Variants in TSC2 observed in about 807,000 individuals in gnomAD.
TSC2 encodes the protein tuberin.
In TSC2, 29 loss-of-function variants were observed where a neutral mutation model predicts 202.2. The observed-to-expected ratio is 0.14, with a 90% confidence interval of 0.11 to 0.20. TSC2 has a LOEUF of 0.20. Among genes scored for constraint, TSC2 ranks in the 10% least tolerant of loss-of-function variants. The pLI is 1.00. For synonymous variants in TSC2, 1,349 were observed against 1,044.0 expected, an observed-to-expected ratio of 1.29 and a Z score of -5.63; for missense variants, 2,429 against 2,420.0, an observed-to-expected ratio of 1.00 and a Z score of -0.08.
At position 2,080,146 on chromosome 16, in the gene TSC2, CCT is replaced by C. The variant is rs772748130; in HGVS notation, c.3398-16_3398-15del. 1 of 1,612,792 alleles carries C rather than the reference CCT, an allele frequency of 6.2e-7. No homozygotes were observed. The highest frequency in any genetic ancestry group is 1.3e-5 in the African/African-American group (1 of 75,068). On this transcript the variant is annotated splice_polypyrimidine_tract_variant and intron_variant, in intron 29 of 41. Coordinates refer to ENST00000219476, the MANE Select transcript of TSC2 (RefSeq NM_000548.5). ...CATCAGGTAAGTGGTGGTCACCAGT[CCT>C]CTGCCCTCTTCTTCAGGGGGCCATG...
chr16:2,080,695 AGGAT>A, intron 30 of TSC2: 1 of 349,162 alleles, frequency 2.9e-6, no homozygotes, highest in Non-Finnish European at 5.5e-6. Flanking sequence ...TGTGTTAGCC[AGGAT>A]GGTCTCAATC....
In TSC2 at chr16:2,089,209, G is replaced by C. The variant is rs1355180878; in HGVS notation, c.*599G>C. The C allele has an allele frequency of 2.9e-5, 5 of 174,558 alleles. No individual in the cohort carries two copies. Among genetic ancestry groups the C allele is most frequent in the African/African-American group, 1.2e-4 (5 of 41,908 alleles). The allele number at this position is 174,558 out of a possible 1,614,324, so 10.8% of individuals were successfully genotyped here. ...CAGGTGTTGGGGGAGGCCAGCTCTG[G>C]GCGCAGGCCCCTCAGCCCTAGTGAA... On this transcript the variant is annotated 3_prime_UTR_variant, in exon 42 of 42. Transcript: ENST00000219476.
chr16:2,088,655 G>A lies in TSC2; in HGVS notation c.*45G>A, dbSNP rs756830558. ...GCACTGGCCTTGGACGGTATTGCCT[G>A]TCAGTGAAATAAATAAAGTCCTGAC... On this transcript the variant is annotated 3_prime_UTR_variant, in exon 42 of 42. Coordinates refer to ENST00000219476, the MANE Select transcript of TSC2 (RefSeq NM_000548.5). 5.7e-6 allele frequency: 9 copies of A among 1,571,410 alleles called. No individual in the cohort carries two copies. The highest frequency in any genetic ancestry group is 1.1e-5 in the South Asian group (1 of 88,362).
intron 29 of TSC2, 73 bp from the exon 30 acceptor site, chr16:2,080,092 G>T (rs1035699234): frequency 3.8e-6 from 6 of 1,592,294 alleles, no homozygotes; most frequent in Non-Finnish European, 5.2e-6. Flanking sequence ...GGCTCGGGGG[G>T]AGCATTCAGC....
At chr16:2,064,783 A>G in intron 15 of TSC2, 1 of 389,434 alleles carries the variant, frequency 2.6e-6, no homozygotes, top group Non-Finnish European at 4.9e-6. Flanking sequence ...GTTTCTGCAC[A>G]GTCACTCGGG....
chr16:2,057,776 G>GC (rs770710941), intron 9 of TSC2, among the ~76,000 whole-genome samples: 97 of 145,048 alleles, frequency 6.7e-4, no homozygotes, highest in African/African-American at 2.3e-3. Flanking sequence ...CCCTGCCTCA[G>GC]CCCTGCATCT....
chr16:2,070,984 AGAGGG>A (rs2088258487), intron 17 of TSC2, among the ~76,000 whole-genome samples: 2 of 151,432 alleles, frequency 1.3e-5, no homozygotes, highest in African/African-American at 4.9e-5. Context: ...GGCAGAGCTG[AGAGGG>A]CAGGGCAGGG....
chr16:2,053,879 C>T (rs758873164), intron 4 of TSC2: 8 of 467,352 alleles, frequency 1.7e-5, no homozygotes, highest in Non-Finnish European at 2.5e-5. Flanking sequence ...CTCCCCTGGT[C>T]GGCCACTTCT....
chr16:2,061,593 C>T (rs1451122524), intron 11 of TSC2: 1 of 516,746 alleles, frequency 1.9e-6, no homozygotes. Context: ...CGGGCAGGAA[C>T]AGCAGCTGCC....
At chr16:2,056,612 G>T (rs2151076532) in intron 7 of TSC2, 32 bp from the exon 8 acceptor site, 1 of 1,604,640 alleles carries the variant, frequency 6.2e-7, no homozygotes, top group South Asian at 1.1e-5. Context: ...AGCTGGGGTA[G>T]GACGGGCGTG....
chr16:2,087,895 C>T lies in TSC2; in HGVS notation c.5022C>T (p.Thr1674=), dbSNP rs777184691. Residue 1674 remains threonine, a synonymous_variant, in exon 39 of 42, where the codon ACC becomes ACT. Transcript: ENST00000219476. ...GQFNFVHVIV[T]PLDYECNLVS... ...TCAACTTTGTCCACGTGATCGTCAC[C>T]CCGCTGGACTACGAGTGCAACCTGG... The T allele has an allele frequency of 2.5e-6, 4 of 1,612,774 alleles. No homozygotes were observed. Among genetic ancestry groups the T allele is most frequent in the Middle Eastern group, 3.3e-4 (2 of 6,084 alleles).
intron 12 of TSC2, 138 bp downstream of exon 12, chr16:2,062,146 G>A: frequency 1.6e-6 from 2 of 1,288,834 alleles, no homozygotes; most frequent in South Asian, 2.6e-5. Context: ...GCACTCGGCA[G>A]GGAAGGCTGG....
At chr16:2,083,442 A>C (rs969794470) in intron 32 of TSC2, 1 of 622,614 alleles carries the variant, frequency 1.6e-6, no homozygotes, top group South Asian at 1.8e-5. Context: ...GCTGGTGGAC[A>C]CTAGGGTGGG....
chr16:2,064,474 C>T (rs761074897), intron 15 of TSC2, 47 bp downstream of exon 15: 23 of 1,610,866 alleles, frequency 1.4e-5, no homozygotes, highest in South Asian at 3.3e-5. Flanking sequence ...GCCAGAGCTC[C>T]GTGGGCAGCA....
intron 33 of TSC2, 124 bp from the exon 34 acceptor site, chr16:2,084,104 G>C (rs2090464973): frequency 1.3e-6 from 2 of 1,513,296 alleles, no homozygotes; most frequent in Non-Finnish European, 1.8e-6. Context: ...CCGTAGCCTG[G>C]TGCTCGGGCT....
chr16:2,061,744 C>T (rs968704201), intron 11 of TSC2, 127 bp from the exon 12 acceptor site: 21 of 1,508,980 alleles, frequency 1.4e-5, no homozygotes, highest in Admixed American at 3.5e-5. Context: ...CGTCTGTCCC[C>T]ATGCGGCCCA....
chr16:2,072,586 CAT>C (rs2088632420), intron 20 of TSC2: 10 of 810,340 alleles, frequency 1.2e-5, no homozygotes, highest in Non-Finnish European at 1.9e-5. Context: ...CAGCCAAGGG[CAT>C]GTCACTGAAT....
intron 3 of TSC2, among the ~76,000 whole-genome samples, chr16:2,051,153 G>A (rs112372061): frequency 0.047 from 7,079 of 151,852 alleles, 191 homozygotes; most frequent in Middle Eastern, 0.099. Context: ...GCGAAACCCC[G>A]TCTGTACTAA....
At chr16:2,067,329 T>A (rs971538922) in intron 16 of TSC2, among the ~76,000 whole-genome samples, 3 of 151,866 alleles carry the variant, frequency 2.0e-5, no homozygotes, top group African/African-American at 7.2e-5. Flanking sequence ...ACCTGGCTAA[T>A]TTTTTCATTT....
Sources: gnomAD v4.1 joint callset for allele counts (sites outside exome capture counted in the v4.1 genomes callset) on GRCh38, gnomAD v4.1.1 for gene constraint, MANE v1.5 for transcripts, NCBI Gene and HGNC (gene_info 2026-07-23, HGNC 2026-07-21) for gene names.